NTRK3: variants seen among roughly 807,000 people sequenced by gnomAD.
NTRK3 encodes the protein neurotrophic receptor tyrosine kinase 3, also known as NT-3 growth factor receptor.
A neutral mutation model predicts 91.7 loss-of-function variants in NTRK3; 24 were observed. That is an observed-to-expected ratio of 0.26 (90% confidence interval 0.19 to 0.37). The LOEUF is 0.37. Among genes scored for constraint, NTRK3 ranks in the 10% least tolerant of loss-of-function variants. NTRK3 has a pLI of 1.00. For missense variants in NTRK3, 880 were observed against 1,068.9 expected (o/e 0.82, Z 2.46); for synonymous variants, 483 against 404.0 (o/e 1.20, Z -2.34).
intron 14 of NTRK3, among the ~76,000 whole-genome samples, chr15:87,949,493 C>T (rs901630020): frequency 1.3e-5 from 2 of 151,960 alleles, no homozygotes; most frequent in Admixed American, 6.6e-5. Flanking sequence ...AATAAGACAC[C>T]CTGCTGTTTC....
intron 13 of NTRK3, among the ~76,000 whole-genome samples, chr15:88,040,059 G>A (rs2079453747): frequency 6.6e-6 from 1 of 152,214 alleles, no homozygotes; most frequent in South Asian, 2.1e-4. Context: ...TAAATTGTGG[G>A]AGCTAAGAAC....
intron 13 of NTRK3, among the ~76,000 whole-genome samples, chr15:88,074,537 T>G (rs2047369295): frequency 6.6e-6 from 1 of 152,164 alleles, no homozygotes; most frequent in Non-Finnish European, 1.5e-5. Context: ...TGACTCAAGC[T>G]CCGAGAGAAG....
intron 17 of NTRK3, among the ~76,000 whole-genome samples, chr15:87,900,696 T>TGTGC (rs1237872975): frequency 1.3e-5 from 2 of 148,240 alleles, no homozygotes; most frequent in Non-Finnish European, 3.0e-5. Context: ...AGAGGGTGTG[T>TGTGC]GTGTGTGTGT....
exon 19 of NTRK3, chr15:87,868,025 AG>A (rs1288322470): frequency 2.6e-5 from 6 of 230,782 alleles, no homozygotes; most frequent in Non-Finnish European, 5.1e-5. Flanking sequence ...ATAAGAGGAA[AG>A]ATGAGCTATA....
At chr15:87,952,932 G>A (rs1013752525) in intron 14 of NTRK3, among the ~76,000 whole-genome samples, 19 of 151,886 alleles carry the variant, frequency 1.3e-4, no homozygotes, top group Admixed American at 1.3e-4. Flanking sequence ...GCCAGGGCCT[G>A]CGAGTCCCAG....
intron 13 of NTRK3, among the ~76,000 whole-genome samples, chr15:88,063,066 A>T (rs1161667978): frequency 6.6e-6 from 1 of 152,226 alleles, no homozygotes; most frequent in Non-Finnish European, 1.5e-5. Context: ...GTGGTTCAAC[A>T]CTGGGCTCCA....
intron 3 of NTRK3, among the ~76,000 whole-genome samples, chr15:88,251,827 G>T (rs1474558659): frequency 6.6e-6 from 1 of 152,242 alleles, no homozygotes; most frequent in African/African-American, 2.4e-5. Context: ...CTTCCAGGTT[G>T]CAGGCTTAGC....
At chr15:88,080,950 C>G (rs2047987052) in intron 13 of NTRK3, among the ~76,000 whole-genome samples, 1 of 152,236 alleles carries the variant, frequency 6.6e-6, no homozygotes. Flanking sequence ...ATGAAAGTGC[C>G]ACTACATGGC....
intron 17 of NTRK3, chr15:87,916,695 C>T: frequency 1.5e-6 from 1 of 648,550 alleles, no homozygotes; most frequent in African/African-American, 1.8e-5. Flanking sequence ...TATTTTTATT[C>T]CACTGGTTTC....
chr15:88,046,037 C>G (rs2142208919), intron 13 of NTRK3, among the ~76,000 whole-genome samples: 1 of 152,358 alleles, frequency 6.6e-6, no homozygotes, highest in Admixed American at 6.5e-5. Context: ...ATTCAACCCA[C>G]AGCACCATGT....
rs72481817 is a variant in NTRK3 at position 87,978,083 on chromosome 15, G to A, written c.1586-37330C>T. 2,283 of 232,232 alleles carry A rather than the reference G, an allele frequency of 9.8e-3. 14 individuals carry two copies. Among genetic ancestry groups the A allele is most frequent in the Non-Finnish European group, 0.014 (1,628 of 117,100 alleles). The allele number at this position is 232,232 out of a possible 1,614,324, so 14.4% of individuals were successfully genotyped here. A position where few individuals can be genotyped will look rare whatever the true frequency, so the allele number is the denominator to read the frequency against. Reference sequence around the variant, plus strand: ...GAGGCCCCATGGGCCAGTGGAGCTGGGAGCCAGAAGTCTACTCCACCAATG... The same window carrying A: ...GAGGCCCCATGGGCCAGTGGAGCTGAGAGCCAGAAGTCTACTCCACCAATG... On this transcript the variant is annotated intron_variant, in intron 14 of 18. Coordinates refer to ENST00000394480, the Ensembl canonical transcript of NTRK3.
intron 13 of NTRK3, among the ~76,000 whole-genome samples, chr15:88,051,640 T>C (rs1490640951): frequency 1.3e-5 from 2 of 152,216 alleles, no homozygotes; most frequent in Non-Finnish European, 2.9e-5. Flanking sequence ...CTCATCAGAC[T>C]ATTGTTGGGG....
At chr15:87,990,608 T>C (rs2075212433) in intron 14 of NTRK3, among the ~76,000 whole-genome samples, 4 of 152,210 alleles carry the variant, frequency 2.6e-5, no homozygotes, top group Admixed American at 6.5e-5. Flanking sequence ...TGCCTTTCTA[T>C]ATTGGAGAAA....
exon 19 of NTRK3, chr15:87,876,940 C>A (rs2141434551): frequency 6.2e-7 from 1 of 1,613,804 alleles, no homozygotes; most frequent in African/African-American, 1.3e-5. Context: ...CACCACTAGC[C>A]AAGAATGTCC....
At chr15:88,030,989 T>G (rs2078483135) in intron 14 of NTRK3, among the ~76,000 whole-genome samples, 3 of 152,196 alleles carry the variant, frequency 2.0e-5, no homozygotes, top group Admixed American at 2.0e-4. Flanking sequence ...TTGGCTAGTG[T>G]TCCTTAGCTT....
At chr15:88,061,400 G>A in intron 13 of NTRK3, among the ~76,000 whole-genome samples, 1 of 152,244 alleles carries the variant, frequency 6.6e-6, no homozygotes, top group Admixed American at 6.5e-5. Flanking sequence ...GTGGTCAGAA[G>A]GGACACGGAA....
At position 87,877,131 on chromosome 15, in the gene NTRK3, GAGA is replaced by G. The variant is rs770132191; in HGVS notation, c.2293-14_2293-12del. The stretch of plus-strand genomic sequence containing the variant: ...AATGCACTCAATGACCTGAAAGAGT[GAGA>G]AGAACAAGGAAGTTACACCCAAAGC... On this transcript the variant is annotated splice_polypyrimidine_tract_variant and intron_variant, in intron 18 of 18. Transcript: ENST00000394480. The G allele has an allele frequency of 9.3e-6, 15 of 1,613,732 alleles. No homozygotes were observed. The South Asian group carries it at 9.9e-5, about 11-fold the overall frequency.
chr15:88,024,497 G>A (rs2077862495), intron 14 of NTRK3, among the ~76,000 whole-genome samples: 1 of 152,156 alleles, frequency 6.6e-6, no homozygotes, highest in Admixed American at 6.5e-5. Flanking sequence ...AAGTTGAAGA[G>A]AACCAACAGA....
At chr15:88,179,651 G>C (rs915714245) in intron 5 of NTRK3, among the ~76,000 whole-genome samples, 2 of 152,246 alleles carry the variant, frequency 1.3e-5, no homozygotes, top group African/African-American at 4.8e-5. Context: ...TAAAGGGAAA[G>C]AGGGGCCAGC....
Sources: allele counts gnomAD v4.1 joint callset (sites outside exome capture counted in the v4.1 genomes callset), GRCh38; gene constraint gnomAD v4.1.1; transcripts MANE v1.5; gene names NCBI Gene and HGNC (gene_info 2026-07-23, HGNC 2026-07-21).